The following KRT8 variants were observed in gnomAD, a reference collection of about 807,000 sequenced individuals.
The protein encoded by KRT8 is keratin 8, also known as keratin, type II cytoskeletal 8.
A neutral mutation model predicts 43.0 loss-of-function variants in KRT8; 24 were observed. That is an observed-to-expected ratio of 0.56 (90% CI 0.40 to 0.78). The LOEUF is 0.78. Ranked by LOEUF, KRT8 falls within the 30% of genes least tolerant of loss-of-function variation. The probability of loss-of-function intolerance (pLI) is 0.00; values close to 1 mark genes in which losing one functional copy is unlikely to be tolerated. For missense variants in KRT8, 492 were observed against 638.4 expected (o/e 0.77, Z 2.47); for synonymous variants, 214 against 261.2 (o/e 0.82, Z 1.74).
chr12:52,945,536 T>C (rs1006376610), intron 2 of KRT8, among the ~76,000 whole-genome samples: 1 of 151,996 alleles, frequency 6.6e-6, no homozygotes, highest in South Asian at 2.1e-4. Context: ...TCCTCCCTAA[T>C]CCTCTCATCT....
At chr12:52,938,021 C>A (rs1942196656) in intron 2 of KRT8, among the ~76,000 whole-genome samples, 1 of 146,148 alleles carries the variant, frequency 6.8e-6, no homozygotes, top group Admixed American at 6.9e-5. Context: ...AAAAAGTTGC[C>A]AAAAATAAAG....
chr12:52,898,433 C>T (rs1941270789), intron 7 of KRT8, 28 bp downstream of exon 7: 1 of 1,606,374 alleles, frequency 6.2e-7, no homozygotes, highest in Non-Finnish European at 8.5e-7. Flanking sequence ...TGCCTCCCGC[C>T]CTCATCCCAG....
At chr12:52,927,084 C>A (rs751868326) in intron 2 of KRT8, among the ~76,000 whole-genome samples, 1 of 152,160 alleles carries the variant, frequency 6.6e-6, no homozygotes, top group Non-Finnish European at 1.5e-5. Flanking sequence ...AGGATTCCCC[C>A]CAAGGGAGGA....
chr12:52,940,324 TC>T (rs1238258734), intron 2 of KRT8, among the ~76,000 whole-genome samples: 1 of 150,834 alleles, frequency 6.6e-6, no homozygotes, highest in Non-Finnish European at 1.5e-5. Flanking sequence ...TCCCAGCTAC[TC>T]GGGAGGCTAA....
chr12:52,927,191 A>G (rs529750958), intron 2 of KRT8, among the ~76,000 whole-genome samples: 4 of 152,316 alleles, frequency 2.6e-5, no homozygotes, highest in East Asian at 3.9e-4. Flanking sequence ...GATTCAGGAC[A>G]GGAAGACCCC....
At chr12:52,935,378 C>CAAAAAAAAAAAAAAA (rs71092794) in intron 2 of KRT8, among the ~76,000 whole-genome samples, 1 of 23,752 alleles carries the variant, frequency 4.2e-5, no homozygotes, top group African/African-American at 1.9e-4. Flanking sequence ...GACTCTGTCT[C>CAAAAAAAAAAAAAAA]AAAAAAAAAA....
chr12:52,910,448 T>C (rs1244632277), upstream of KRT8, among the ~76,000 whole-genome samples: 1 of 152,144 alleles, frequency 6.6e-6, no homozygotes, highest in Non-Finnish European at 1.5e-5. Flanking sequence ...ATATACTCTG[T>C]CCCTCAGGAA....
At chr12:52,917,483 G>A (rs1000936678) in intron 2 of KRT8, among the ~76,000 whole-genome samples, 5 of 151,936 alleles carry the variant, frequency 3.3e-5, no homozygotes, top group South Asian at 4.1e-4. Flanking sequence ...CGAGGGGGGC[G>A]GATCATCTGA....
At chr12:52,926,335 C>CAG in intron 2 of KRT8, 2 of 703,236 alleles carry the variant, frequency 2.8e-6, no homozygotes, top group East Asian at 3.0e-5. Flanking sequence ...ACTAGCTGCC[C>CAG]TCCCCACCCC....
rs1319099119 is a variant in KRT8 at position 52,902,075 on chromosome 12, A to G, written c.325-3T>C. On this transcript the variant is annotated splice_region_variant and splice_polypyrimidine_tract_variant and intron_variant, in intron 1 of 7. Coordinates refer to ENST00000692008, the Ensembl canonical transcript of KRT8. Reference sequence around the variant, plus strand: ...TTCTGCTGCTCCAGGAACCGTACCTATACGAAGGAGGAGAGAGCAAAAAGG... The same window carrying G: ...TTCTGCTGCTCCAGGAACCGTACCTGTACGAAGGAGGAGAGAGCAAAAAGG... The G allele has an allele frequency of 1.3e-6, 2 of 1,595,086 alleles. No individual in the cohort carries two copies. Among genetic ancestry groups the G allele is most frequent in the Non-Finnish European group, 8.5e-7 (1 of 1,174,050 alleles).
exon 6 of KRT8, chr12:52,898,868 G>C: frequency 6.2e-7 from 1 of 1,613,326 alleles, no homozygotes; most frequent in Non-Finnish European, 8.5e-7. Flanking sequence ...ACGCTGCTCG[G>C]CATCTGCAAT....
chr12:52,940,290 G>A (rs985909473), intron 2 of KRT8, among the ~76,000 whole-genome samples: 2 of 151,814 alleles, frequency 1.3e-5, no homozygotes, highest in Non-Finnish European at 2.9e-5. Flanking sequence ...AAAATTAGCC[G>A]GACGTGGTAG....
intron 2 of KRT8, chr12:52,926,423 G>A (rs971720637): frequency 1.2e-5 from 18 of 1,534,982 alleles, no homozygotes; most frequent in African/African-American, 1.1e-4. Context: ...CTTCCTGCAG[G>A]TCCTGGCTCC....
intron 2 of KRT8, among the ~76,000 whole-genome samples, chr12:52,925,092 G>A (rs564864404): frequency 3.2e-4 from 48 of 152,306 alleles, no homozygotes; most frequent in African/African-American, 1.0e-3. Context: ...GGGCAAGGCC[G>A]GGATGATTGA....
At chr12:52,923,905 C>T (rs1046740887) in intron 2 of KRT8, among the ~76,000 whole-genome samples, 8 of 151,232 alleles carry the variant, frequency 5.3e-5, no homozygotes, top group Admixed American at 2.0e-4. Flanking sequence ...AGTGCAGTGG[C>T]ATGATCACTG....
upstream of KRT8, among the ~76,000 whole-genome samples, chr12:52,909,800 T>C (rs572821986): frequency 6.6e-6 from 1 of 152,202 alleles, no homozygotes. Context: ...CTGTGAATGT[T>C]CTCTGGTTTG....
intron 2 of KRT8, among the ~76,000 whole-genome samples, chr12:52,918,245 A>AAGAAGG (rs1941815109): frequency 6.6e-6 from 1 of 151,364 alleles, no homozygotes; most frequent in African/African-American, 2.4e-5. Context: ...GAAGAAGAAG[A>AAGAAGG]AGAAGAAGAA....
intron 2 of KRT8, chr12:52,926,392 T>C (rs1445430683): frequency 3.2e-6 from 4 of 1,258,922 alleles, no homozygotes; most frequent in African/African-American, 3.6e-5. Context: ...CCTTGTCACC[T>C]GCACCTGTTG....
At chr12:52,898,936 G>A (rs777544382) in intron 5 of KRT8, 37 bp from the exon 6 acceptor site, 3 of 1,591,792 alleles carry the variant, frequency 1.9e-6, no homozygotes, top group Non-Finnish European at 1.7e-6. Flanking sequence ...GTCAGGTTGG[G>A]TATGCCTTCT....
Sources: gnomAD v4.1 joint callset for allele counts (sites outside exome capture counted in the v4.1 genomes callset) on GRCh38, gnomAD v4.1.1 for gene constraint, MANE v1.5 for transcripts, NCBI Gene and HGNC (gene_info 2026-07-23, HGNC 2026-07-21) for gene names.